The following PACRG variants were observed in gnomAD, a reference collection of about 807,000 sequenced individuals.
The protein encoded by PACRG is parkin coregulated gene protein.
Under a neutral mutation model 29.7 loss-of-function variants are expected in PACRG, and 29 were observed. That is an observed-to-expected ratio of 0.98 (90% CI 0.73 to 1.33). The LOEUF is 1.33. Ranked by LOEUF, PACRG falls within the 40% of genes most tolerant of loss-of-function variation. The pLI, the probability that PACRG is intolerant of heterozygous loss-of-function variation, is 0.00. For missense variants in PACRG, 279 were observed against 316.2 expected, an observed-to-expected ratio of 0.88 and a Z score of 0.89; for synonymous variants, 116 against 118.7, an observed-to-expected ratio of 0.98 and a Z score of 0.15.
intron 2 of PACRG, among the ~76,000 whole-genome samples, chr6:162,974,811 A>T (rs903841995): frequency 2.0e-5 from 3 of 152,218 alleles, no homozygotes; most frequent in African/African-American, 7.2e-5. Context: ...AAGATTCGTC[A>T]CTTGCCTTTC....
rs200653618 is a variant in PACRG at position 162,872,023 on chromosome 6, TTAAC to T, written c.291+57745_291+57748del. On this transcript the variant is annotated intron_variant, in intron 2 of 4. Transcript: ENST00000366888. ...AAACACTGTAAGATATGTTTTAAGA[TTAAC>T]TACCATTTTTTAGCTGAATTAATTT... 5.0e-3 allele frequency among the ~76,000 whole-genome samples: 767 copies of T among 152,356 alleles called. 17 individuals carry two copies. Among genetic ancestry groups the T allele is most frequent in the Admixed American group, 0.046 (711 of 15,298 alleles).
chr6:163,166,201 A>G (rs1778800108), intron 4 of PACRG: 3 of 456,194 alleles, frequency 6.6e-6, no homozygotes, highest in South Asian at 4.6e-5. Context: ...TGCCGAGGGC[A>G]ACACTGAATC....
chr6:163,076,816 A>C (rs905359293), intron 3 of PACRG, among the ~76,000 whole-genome samples: 5 of 151,168 alleles, frequency 3.3e-5, no homozygotes, highest in Non-Finnish European at 7.4e-5. Context: ...CTTCTGATTC[A>C]CCTCTCCACT....
chr6:163,113,191 A>T (rs1003118184), intron 4 of PACRG, among the ~76,000 whole-genome samples: 1 of 152,250 alleles, frequency 6.6e-6, no homozygotes, highest in Non-Finnish European at 1.5e-5. Flanking sequence ...TAAATTACAG[A>T]ATCTGAGGAA....
At chr6:163,013,113 T>C (rs1805766722) in intron 2 of PACRG, among the ~76,000 whole-genome samples, 1 of 151,896 alleles carries the variant, frequency 6.6e-6, no homozygotes, top group African/African-American at 2.4e-5. Flanking sequence ...ATTATTAATA[T>C]TATGTTTTCC....
chr6:162,749,758 G>A (rs1025487144), intron 1 of PACRG, among the ~76,000 whole-genome samples: 1 of 152,144 alleles, frequency 6.6e-6, no homozygotes, highest in African/African-American at 2.4e-5. Context: ...GACCTCAGAT[G>A]ATCTGCCCGC....
chr6:163,303,402 A>G (rs1785076980), intron 4 of PACRG, among the ~76,000 whole-genome samples: 1 of 152,210 alleles, frequency 6.6e-6, no homozygotes, highest in South Asian at 2.1e-4. Flanking sequence ...AGAGCTGAAA[A>G]CAGGTTGTAT....
At chr6:163,295,553 A>T (rs1367131379) in intron 4 of PACRG, among the ~76,000 whole-genome samples, 1 of 152,220 alleles carries the variant, frequency 6.6e-6, no homozygotes, top group Non-Finnish European at 1.5e-5. Context: ...CTTATTACGG[A>T]AGTGAAAGAA....
At chr6:163,150,612 C>T (rs1041901256) in intron 4 of PACRG, among the ~76,000 whole-genome samples, 13 of 152,092 alleles carry the variant, frequency 8.5e-5, no homozygotes, top group Non-Finnish European at 1.5e-4. Context: ...TCCCCCGCCT[C>T]TTACCCTCTA....
chr6:163,286,246 C>T lies in PACRG; in HGVS notation c.614-28581C>T, dbSNP rs145429853. 1.9e-3 allele frequency among the ~76,000 whole-genome samples: 288 copies of T among 152,196 alleles called. 1 individual carries two copies. The highest frequency in any genetic ancestry group is 6.6e-3 in the African/African-American group (276 of 41,516). On this transcript the variant is annotated intron_variant, in intron 4 of 4. Transcript: ENST00000366888. Reference sequence around the variant, plus strand: ...CAATTGGTATGGAAAGTAAAACTGGCGTGAGTTGTCCATAAATATTTATTG... The same window carrying T: ...CAATTGGTATGGAAAGTAAAACTGGTGTGAGTTGTCCATAAATATTTATTG...
At chr6:163,196,995 G>A (rs1250237848) in intron 4 of PACRG, among the ~76,000 whole-genome samples, 2 of 152,060 alleles carry the variant, frequency 1.3e-5, no homozygotes, top group East Asian at 1.9e-4. Flanking sequence ...CTTGGTAAAT[G>A]GGCAAATGAT....
At chr6:162,791,758 G>T (rs1784969525) in intron 1 of PACRG, among the ~76,000 whole-genome samples, 3 of 152,174 alleles carry the variant, frequency 2.0e-5, no homozygotes. Flanking sequence ...ATTCTAGAAG[G>T]AGGATGGGGA....
intron 4 of PACRG, among the ~76,000 whole-genome samples, chr6:163,272,966 A>T (rs1783893910): frequency 8.2e-6 from 1 of 122,330 alleles, no homozygotes; most frequent in Non-Finnish European, 1.6e-5. Context: ...ATCTCGGCTC[A>T]CTGCAAGCTC....
At chr6:162,911,338 C>A (rs1221640177) in intron 2 of PACRG, among the ~76,000 whole-genome samples, 1 of 152,190 alleles carries the variant, frequency 6.6e-6, no homozygotes, top group Non-Finnish European at 1.5e-5. Flanking sequence ...GTGAGATTTT[C>A]TTCTCTTCTG....
In PACRG at chr6:163,114,323, ATTGAAG is replaced by A. The variant is rs1815865472; in HGVS notation, c.613+24918_613+24923del. On this transcript the variant is annotated intron_variant, in intron 4 of 4. Transcript: ENST00000366888. ...CATAGGAGCATTTTTTGTGTGTGTT[ATTGAAG>A]TTAAGTTGGTATCAATTCAAATTGG... Among the ~76,000 whole-genome samples, 3 of 152,322 alleles carry A rather than the reference ATTGAAG, an allele frequency of 2.0e-5. No individual in the cohort carries two copies. In the South Asian group the frequency reaches 6.2e-4, roughly 32 times the overall value.
chr6:162,794,885 C>A (rs1057263440), intron 1 of PACRG, among the ~76,000 whole-genome samples: 5 of 151,826 alleles, frequency 3.3e-5, no homozygotes, highest in African/African-American at 1.2e-4. Context: ...ATTACAGATG[C>A]ATTCTATGGT....
rs987155492 is a variant in PACRG at position 163,154,436 on chromosome 6, C to A, written c.613+65028C>A. Reference sequence around the variant, plus strand: ...AAAGATTACAGACCCTTCCTCCTTGCGGCATAGAATCCTATGTGAGGCAGC... The same window carrying A: ...AAAGATTACAGACCCTTCCTCCTTGAGGCATAGAATCCTATGTGAGGCAGC... On this transcript the variant is annotated intron_variant, in intron 4 of 4. Transcript: ENST00000366888. 2.0e-5 allele frequency among the ~76,000 whole-genome samples: 3 copies of A among 152,222 alleles called. 1 individual carries two copies. The highest frequency in any genetic ancestry group is 4.2e-4 in the South Asian group (2 of 4,818).
intron 2 of PACRG, among the ~76,000 whole-genome samples, chr6:162,834,080 G>T (rs1439148584): frequency 1.3e-5 from 2 of 152,226 alleles, no homozygotes; most frequent in East Asian, 3.9e-4. Flanking sequence ...TGGACATAAT[G>T]AATTTCATAA....
chr6:163,058,817 G>A (rs1049533942), intron 2 of PACRG, among the ~76,000 whole-genome samples: 4 of 151,888 alleles, frequency 2.6e-5, no homozygotes, highest in African/African-American at 7.3e-5. Context: ...GGAGAATCGC[G>A]TGAACCCGGG....
Sources: gnomAD v4.1 joint callset for allele counts (sites outside exome capture counted in the v4.1 genomes callset) on GRCh38, gnomAD v4.1.1 for gene constraint, MANE v1.5 for transcripts, NCBI Gene and HGNC (gene_info 2026-07-23, HGNC 2026-07-21) for gene names.